Variants in BMX observed in about 807,000 individuals in gnomAD.
The protein encoded by BMX is cytoplasmic tyrosine-protein kinase BMX.
BMX carries 31 observed loss-of-function variants against 59.2 expected under a neutral mutation model. The observed-to-expected ratio is 0.52, with a 90% CI of 0.39 to 0.71. The LOEUF (loss-of-function observed/expected upper bound fraction) is 0.71. Ranked by LOEUF, BMX falls within the 30% of genes least tolerant of loss-of-function variation. The pLI is 0.00. For missense variants in BMX, 474 were observed against 491.7 expected (o/e 0.96, Z 0.34); for synonymous variants, 185 against 181.0 (o/e 1.02, Z -0.18).
chrX:15,543,203 T>C lies in BMX; in HGVS notation c.1676+68T>C, dbSNP rs762090097. On this transcript the variant is annotated intron_variant, in intron 16 of 18. Transcript: ENST00000348343. ...CATTCACATTTGAACACCATCATAA[T>C]TGAAGGCTTTGTGGGGATATAGAAG... The C allele has an allele frequency of 2.4e-5, 25 of 1,049,528 alleles. No homozygotes were observed. The South Asian group carries it at 2.5e-4, about 10-fold the overall frequency. The allele number at this position is 1,049,528 out of a possible 1,213,427, so 86.5% of individuals were successfully genotyped here.
At chrX:15,535,355 A>C (rs1201958538) in intron 12 of BMX, among the ~76,000 whole-genome samples, 1 of 111,517 alleles carries the variant, frequency 9.0e-6, no homozygotes, top group Non-Finnish European at 1.9e-5. Flanking sequence ...ACTTGATTGC[A>C]TGCATGTAGG....
chrX:15,529,603 A>G (rs186978793), intron 9 of BMX, among the ~76,000 whole-genome samples: 80 of 112,991 alleles, frequency 7.1e-4, no homozygotes, highest in African/African-American at 2.4e-3. Context: ...TGATTGGAAG[A>G]CAAGAGCTTT....
rs1278953422 is a variant in BMX at position 15,530,162 on chromosome X, T to G, written c.939+135T>G. 3.2e-5 allele frequency: 19 copies of G among 588,482 alleles called. 2 individuals carry two copies. Among genetic ancestry groups the G allele is most frequent in the African/African-American group, 1.1e-4 (5 of 44,680 alleles). The allele number at this position is 588,482 out of a possible 1,213,427, so 48.5% of individuals were successfully genotyped here. A position where few individuals can be genotyped will look rare whatever the true frequency, so the allele number is the denominator to read the frequency against. On this transcript the variant is annotated intron_variant, in intron 10 of 18. Transcript: ENST00000348343. The stretch of plus-strand genomic sequence containing the variant: ...ATTGTAGTGTTGCTTGTCCAGTCTG[T>G]GGGTTGCCCGACTCTTCATGTCTAG...
chrX:15,540,402 AGGGGAACAT>A (rs2147134986), intron 14 of BMX, among the ~76,000 whole-genome samples: 1 of 104,480 alleles, frequency 9.6e-6, no homozygotes, highest in Admixed American at 1.0e-4. Flanking sequence ...GGACACAGGG[AGGGGAACAT>A]CACACACTGG....
intron 9 of BMX, among the ~76,000 whole-genome samples, chrX:15,527,944 T>A (rs963772546): frequency 6.2e-5 from 7 of 112,914 alleles, no homozygotes; most frequent in African/African-American, 2.2e-4. Context: ...AATTGCACTT[T>A]AATGAAACAC....
intron 17 of BMX, among the ~76,000 whole-genome samples, chrX:15,548,416 C>T (rs1926045472): frequency 9.0e-6 from 1 of 110,743 alleles, no homozygotes; most frequent in Admixed American, 9.7e-5. Context: ...GAGATTGTGC[C>T]ACTGCACTCC....
In BMX at chrX:15,511,465, T is replaced by C. The variant is rs1923955043; in HGVS notation, c.272T>C (p.Val91Ala). The C allele has an allele frequency of 8.3e-7, 1 of 1,206,819 alleles. No homozygotes were observed. Among genetic ancestry groups the C allele is most frequent in the African/African-American group, 1.7e-5 (1 of 57,616 alleles). Residue 91 changes from valine (V) to alanine (A), a missense_variant, in exon 4 of 19, where the codon GTC (valine) becomes GCC (alanine). Val to Ala is a moderately conservative substitution (Grantham distance 64). Coordinates refer to ENST00000348343, the MANE Select transcript of BMX (RefSeq NM_203281.3). ...QIVYKDGLLYVYASNEESRSQ... is the reference protein window; with the variant it reads ...QIVYKDGLLYAYASNEESRSQ... ...GTCTATAAAGATGGGCTTCTCTATGTCTATGCATCAAATGAAGAGAGCCGA... is the reference window on the plus strand; with the variant it reads ...GTCTATAAAGATGGGCTTCTCTATGCCTATGCATCAAATGAAGAGAGCCGA...
chrX:15,510,584 C>G (rs1923916569), intron 3 of BMX, among the ~76,000 whole-genome samples: 1 of 111,503 alleles, frequency 9.0e-6, no homozygotes, highest in Non-Finnish European at 1.9e-5. Context: ...ATGGAAGATG[C>G]TGCAAACTCA....
rs200465814 is a variant in BMX at position 15,511,429 on chromosome X, C to A, written c.244-8C>A. On this transcript the variant is annotated splice_region_variant and splice_polypyrimidine_tract_variant and intron_variant, in intron 3 of 18. Coordinates refer to ENST00000348343, the MANE Select transcript of BMX (RefSeq NM_203281.3). ...ATATATAAACACACCAAATATTTTC[C>A]TTTCCAGATTGTCTATAAAGATGGG... 5 of 1,185,221 alleles carry A rather than the reference C, an allele frequency of 4.2e-6. No homozygotes were observed. In the African/African-American group the frequency reaches 8.9e-5, roughly 21 times the overall value.
chrX:15,530,023 A>G lies in BMX; in HGVS notation c.935A>G (p.Gln312Arg). ...TCACAATCTGAACAGTTACTCAGAC[A>G]AAAGGTAAATAGTCTTGTCTTTAAA... The part of the protein sequence containing the change: ...SRSQSEQLLR[Q>R]KGKEGAFMVR... The change falls in exon 10 of 19, where the codon CAA becomes CGA. Residue 312 changes from glutamine (Q) to arginine (R), a missense_variant. Physicochemically the swap from Gln to Arg is conservative, Grantham distance 43. Coordinates refer to ENST00000348343, the MANE Select transcript of BMX (RefSeq NM_203281.3). The G allele has an allele frequency of 8.3e-7, 1 of 1,207,006 alleles. No homozygotes were observed. The highest frequency in any genetic ancestry group is 1.1e-6 in the Non-Finnish European group (1 of 891,700).
chrX:15,553,533 CA>C (rs769796874), intron 18 of BMX, among the ~76,000 whole-genome samples: 1 of 111,857 alleles, frequency 8.9e-6, no homozygotes, highest in East Asian at 2.8e-4. Flanking sequence ...TCAGTAGGTG[CA>C]GTGTCTAGGG....
At chrX:15,509,639 G>A (rs1172745850) in intron 3 of BMX, among the ~76,000 whole-genome samples, 1 of 111,111 alleles carries the variant, frequency 9.0e-6, no homozygotes, top group Non-Finnish European at 1.9e-5. Context: ...AGCAAGACAG[G>A]AGCGTAAGTC....
chrX:15,551,541 A>G (rs1475793799), intron 18 of BMX, among the ~76,000 whole-genome samples: 1 of 57,158 alleles, frequency 1.7e-5, no homozygotes, highest in Non-Finnish European at 3.5e-5. Context: ...ATATATATAT[A>G]TATTTTTTTT....
chrX:15,534,428 A>G, intron 12 of BMX, 89 bp downstream of exon 12: 2 of 851,727 alleles, frequency 2.3e-6, no homozygotes, highest in Non-Finnish European at 3.0e-6. Flanking sequence ...ATTCTTAATT[A>G]TATAGGGAAC....
chrX:15,517,452 C>A (rs1054130009), intron 5 of BMX, among the ~76,000 whole-genome samples: 2 of 111,713 alleles, frequency 1.8e-5, no homozygotes, highest in Non-Finnish European at 3.8e-5. Context: ...GGAAAAAGGC[C>A]AGAGAGAGCA....
Position 15,546,789 on chromosome X carries a change from G to A in BMX, c.1677-14G>A. 8.4e-7 allele frequency: 1 copy of A among 1,194,122 alleles called. No homozygotes were observed. Among genetic ancestry groups the A allele is most frequent in the Non-Finnish European group, 1.1e-6 (1 of 880,491 alleles). On this transcript the variant is annotated splice_polypyrimidine_tract_variant and intron_variant, in intron 16 of 18. Coordinates refer to ENST00000348343, the MANE Select transcript of BMX (RefSeq NM_203281.3). ...CACGGCTTAAGGTCTGTGTTGATGTGTTTTCCCTGGCAGGTATGTTCTTGA... is the reference window on the plus strand; with the variant it reads ...CACGGCTTAAGGTCTGTGTTGATGTATTTTCCCTGGCAGGTATGTTCTTGA...
rs753879390 is a variant in BMX, at chrX:15,508,786, G to C, written c.138+295G>C. Among the ~76,000 whole-genome samples the C allele has an allele frequency of 2.7e-5, 3 of 111,933 alleles. No individual in the cohort carries two copies. The South Asian group carries it at 1.1e-3, about 42-fold the overall frequency. ...TTGGGAAAAGACTGGAGATATTTTG[G>C]GTTGTTCCAACTGGGGGATAGGAAC... is the stretch of plus-strand genomic sequence containing the variant. On this transcript the variant is annotated intron_variant, in intron 2 of 18. Coordinates refer to ENST00000348343, the MANE Select transcript of BMX (RefSeq NM_203281.3).
intron 1 of BMX, among the ~76,000 whole-genome samples, chrX:15,506,195 T>C (rs1214569288): frequency 9.0e-6 from 1 of 111,650 alleles, no homozygotes; most frequent in African/African-American, 3.3e-5. Flanking sequence ...CACTGTGCCC[T>C]GCCTAGGTGT....
At chrX:15,531,056 G>C (rs1308059573) in intron 10 of BMX, among the ~76,000 whole-genome samples, 2 of 110,875 alleles carry the variant, frequency 1.8e-5, no homozygotes, top group African/African-American at 6.6e-5. Context: ...GTTCTAAATT[G>C]TATTTCTTAA....
Sources: gnomAD v4.1 joint callset for allele counts (sites outside exome capture counted in the v4.1 genomes callset) on GRCh38, gnomAD v4.1.1 for gene constraint, MANE v1.5 for transcripts, NCBI Gene and HGNC (gene_info 2026-07-23, HGNC 2026-07-21) for gene names.